Variants in MAP4 observed in about 807,000 individuals in gnomAD.
MAP4 encodes the protein microtubule-associated protein 4.
In MAP4, 76 loss-of-function variants were observed where a neutral mutation model predicts 170.2. The observed-to-expected ratio is 0.45, with a 90% confidence interval of 0.37 to 0.54. The LOEUF (loss-of-function observed/expected upper bound fraction) is 0.54. MAP4 is among the 20% of genes least tolerant of loss of function. MAP4 has a pLI of 0.00. For missense variants in MAP4, 2,506 were observed against 2,748.0 expected (o/e 0.91, Z 1.97); for synonymous variants, 909 against 994.5 (o/e 0.91, Z 1.62).
At chr3:48,024,834 T>C (rs1047475945) in intron 1 of MAP4, among the ~76,000 whole-genome samples, 1 of 152,160 alleles carries the variant, frequency 6.6e-6, no homozygotes, top group African/African-American at 2.4e-5. Context: ...GAGAAACAGG[T>C]CTCCTGACTT....
intron 1 of MAP4, among the ~76,000 whole-genome samples, chr3:48,004,460 C>A (rs2100101118): frequency 6.6e-6 from 1 of 152,100 alleles, no homozygotes; most frequent in Non-Finnish European, 1.5e-5. Flanking sequence ...GTTCAGTGAA[C>A]AAAGTGATGA....
At chr3:47,959,107 T>TA (rs1009121637) in intron 3 of MAP4, among the ~76,000 whole-genome samples, 127 of 141,528 alleles carry the variant, frequency 9.0e-4, no homozygotes, top group South Asian at 1.6e-3. Flanking sequence ...AAGTGTGCAG[T>TA]AAAAAAAAAA....
intron 3 of MAP4, among the ~76,000 whole-genome samples, chr3:47,931,374 T>A (rs1275565724): frequency 1.3e-5 from 2 of 152,138 alleles, no homozygotes; most frequent in East Asian, 3.9e-4. Context: ...CCCTATTTTT[T>A]AAAAAAGGCT....
intron 12 of MAP4, among the ~76,000 whole-genome samples, chr3:47,872,395 G>A (rs972901690): frequency 2.0e-5 from 3 of 152,172 alleles, no homozygotes; most frequent in Non-Finnish European, 4.4e-5. Flanking sequence ...GTGTTAGCCA[G>A]GATGATCTCG....
intron 3 of MAP4, among the ~76,000 whole-genome samples, chr3:47,951,427 C>T (rs2100063737): frequency 6.6e-6 from 1 of 152,220 alleles, no homozygotes; most frequent in South Asian, 2.1e-4. Context: ...CTGCTGCCAT[C>T]TCGGCTCACT....
intron 1 of MAP4, among the ~76,000 whole-genome samples, chr3:48,033,822 C>T (rs150130214): frequency 2.0e-4 from 30 of 152,142 alleles, no homozygotes; most frequent in African/African-American, 7.0e-4. Flanking sequence ...AGGCTGGTTT[C>T]GAACTCCTGA....
chr3:47,997,590 G>T (rs1366345170), intron 2 of MAP4, among the ~76,000 whole-genome samples: 1 of 150,022 alleles, frequency 6.7e-6, no homozygotes, highest in Non-Finnish European at 1.5e-5. Context: ...GTAAACAGAA[G>T]AAAGGAAAAA....
At chr3:47,920,945 C>G (rs570946847) in intron 5 of MAP4, among the ~76,000 whole-genome samples, 7 of 152,192 alleles carry the variant, frequency 4.6e-5, no homozygotes, top group African/African-American at 7.2e-5. Context: ...ATCACTTGAG[C>G]CCAGGAGTTC....
At chr3:48,085,191 T>TAAAAAA (rs896066878) in intron 1 of MAP4, among the ~76,000 whole-genome samples, 3 of 98,864 alleles carry the variant, frequency 3.0e-5, no homozygotes, top group South Asian at 6.3e-4. Context: ...GCTTAATCTT[T>TAAAAAA]AAAAAAAAAA....
intron 3 of MAP4, among the ~76,000 whole-genome samples, chr3:47,941,744 G>A (rs2154014293): frequency 6.8e-6 from 1 of 146,098 alleles, no homozygotes; most frequent in South Asian, 2.2e-4. Context: ...CTGAGATCGT[G>A]CCATTGCACT....
intron 1 of MAP4, among the ~76,000 whole-genome samples, chr3:48,072,460 C>A (rs765881344): frequency 3.2e-4 from 48 of 152,074 alleles, no homozygotes; most frequent in Non-Finnish European, 5.7e-4. Context: ...AAGAAGGCGC[C>A]ACTGCACTCC....
intron 1 of MAP4, among the ~76,000 whole-genome samples, chr3:48,069,810 C>A (rs1055912686): frequency 6.6e-6 from 1 of 152,166 alleles, no homozygotes. Context: ...AGTACTAAAG[C>A]AACTGGCTAT....
In MAP4 at chr3:48,003,567, C is replaced by T. The variant is rs532255912; in HGVS notation, c.-19-4688G>A. On this transcript the variant is annotated intron_variant, in intron 1 of 20. Transcript: ENST00000683076. ...CACAAGTTGAGAAGCTTTGCATTCTCGAAATCTGCTTGAGCTTTGGTTAAG... is the reference window on the plus strand; with the variant it reads ...CACAAGTTGAGAAGCTTTGCATTCTTGAAATCTGCTTGAGCTTTGGTTAAG... 4.6e-5 allele frequency among the ~76,000 whole-genome samples: 7 copies of T among 151,530 alleles called. No homozygotes were observed. The South Asian group carries it at 1.2e-3, about 27-fold the overall frequency.
intron 2 of MAP4, among the ~76,000 whole-genome samples, chr3:47,991,131 T>C (rs2100091903): frequency 6.6e-6 from 1 of 152,182 alleles, no homozygotes; most frequent in Non-Finnish European, 1.5e-5. Flanking sequence ...AAATCATACT[T>C]AGAGAAAAAA....
intron 16 of MAP4, among the ~76,000 whole-genome samples, chr3:47,868,820 C>A (rs1260658169): frequency 6.6e-6 from 1 of 152,172 alleles, no homozygotes; most frequent in Non-Finnish European, 1.5e-5. Context: ...AGCACAGGGG[C>A]TCCAGGGTTC....
At position 47,971,290 on chromosome 3, in the gene MAP4, G is replaced by A. The variant is rs143022815; in HGVS notation, c.292+6575C>T. 2.6e-5 allele frequency among the ~76,000 whole-genome samples: 4 copies of A among 152,302 alleles called. No homozygotes were observed. The East Asian group carries it at 7.7e-4, about 29-fold the overall frequency. ...CTGGGCTCCACTTGTGAGTTATGAT[G>A]CCAATTTACAGCGTGGCTCCAATAG... On this transcript the variant is annotated intron_variant, in intron 3 of 20. Transcript: ENST00000683076.
At chr3:47,865,496 C>G (rs922065810) in intron 17 of MAP4, among the ~76,000 whole-genome samples, 1 of 146,594 alleles carries the variant, frequency 6.8e-6, no homozygotes, top group Non-Finnish European at 1.5e-5. Flanking sequence ...GAGAAGATGA[C>G]CAGGAAGGAG....
At chr3:47,864,770 CGAA>C (rs2076506240) in intron 17 of MAP4, among the ~76,000 whole-genome samples, 1 of 151,848 alleles carries the variant, frequency 6.6e-6, no homozygotes, top group South Asian at 2.1e-4. Context: ...GGGAAGCTGA[CGAA>C]GGAGAATCGC....
rs2100041083 is a variant in MAP4 at position 47,918,705 on chromosome 3, C to T, written c.652+14G>A. On this transcript the variant is annotated intron_variant, in intron 6 of 20. Transcript: ENST00000683076. ...GCAACCATTAACTGATAAAGGGAGT[C>T]TCTAATAGTTTACCTGCCGTTGGCT... The T allele has an allele frequency of 6.3e-7, 1 of 1,599,114 alleles. No homozygotes were observed. Among genetic ancestry groups the T allele is most frequent in the Admixed American group, 1.7e-5 (1 of 59,870 alleles).
Sources: gnomAD v4.1 joint callset for allele counts (sites outside exome capture counted in the v4.1 genomes callset) on GRCh38, gnomAD v4.1.1 for gene constraint, MANE v1.5 for transcripts, NCBI Gene and HGNC (gene_info 2026-07-23, HGNC 2026-07-21) for gene names.